The following MSRB3 variants were observed in gnomAD, a reference collection of about 807,000 sequenced individuals.
MSRB3 encodes methionine sulfoxide reductase B3, also known as methionine-R-sulfoxide reductase B3.
MSRB3 carries 13 observed loss-of-function variants against 21.0 expected under a neutral mutation model. The ratio of observed to expected loss-of-function variants is 0.62; its 90% CI spans 0.40 to 0.98. The LOEUF is 0.98. MSRB3 is among the 50% of genes least tolerant of loss of function. The probability of loss-of-function intolerance (pLI) is 0.00; values close to 1 mark genes in which losing one functional copy is unlikely to be tolerated. For synonymous variants in MSRB3, 87 were observed against 88.6 expected (o/e 0.98, Z 0.10); for missense variants, 199 against 230.3 (o/e 0.86, Z 0.88).
intron 2 of MSRB3, among the ~76,000 whole-genome samples, chr12:65,312,368 G>T (rs1429283125): frequency 2.0e-5 from 3 of 151,942 alleles, no homozygotes; most frequent in Non-Finnish European, 4.4e-5. Context: ...TCTTAATCAA[G>T]ACTGAAGCAT....
chr12:65,303,700 G>A (rs550563199), intron 1 of MSRB3, among the ~76,000 whole-genome samples: 2 of 152,204 alleles, frequency 1.3e-5, no homozygotes, highest in African/African-American at 4.8e-5. Context: ...TGTCACTGTC[G>A]TTAAGGGGTT....
chr12:65,388,892 A>C (rs547552206), intron 5 of MSRB3, among the ~76,000 whole-genome samples: 3 of 152,172 alleles, frequency 2.0e-5, no homozygotes, highest in Admixed American at 2.0e-4. Flanking sequence ...AGAAGAGAAG[A>C]GAAAAGCTTT....
At chr12:65,437,181 G>A (rs1052341054) in intron 5 of MSRB3, among the ~76,000 whole-genome samples, 3 of 151,832 alleles carry the variant, frequency 2.0e-5, no homozygotes, top group African/African-American at 7.3e-5. Context: ...AGGGGCCAGA[G>A]AGCAGTGTCA....
chr12:65,337,776 A>T (rs1053747211), intron 4 of MSRB3, among the ~76,000 whole-genome samples: 4 of 152,180 alleles, frequency 2.6e-5, no homozygotes, highest in African/African-American at 9.7e-5. Context: ...ATATTATTTG[A>T]CACAGTGATC....
intron 5 of MSRB3, chr12:65,418,636 T>G (rs1881107079): frequency 1.6e-6 from 1 of 610,712 alleles, no homozygotes; most frequent in African/African-American, 1.9e-5. Context: ...TTTTTACATC[T>G]CTAATCCATT....
rs535349683 is a variant in MSRB3 at position 65,449,457 on chromosome 12, A to G, written c.293-4271A>G. Among the ~76,000 whole-genome samples the G allele has an allele frequency of 1.2e-3, 177 of 152,246 alleles. 1 individual carries two copies. The highest frequency in any genetic ancestry group is 4.2e-3 in the African/African-American group (175 of 41,528). On this transcript the variant is annotated intron_variant, in intron 5 of 6. Transcript: ENST00000308259. ...CAGCTACAAATAATCTGAATACTAC[A>G]AATTTTGAAATATGGCCTTGGAATT...
chr12:65,280,733 C>T (rs928777580), intron 1 of MSRB3, among the ~76,000 whole-genome samples: 2 of 152,148 alleles, frequency 1.3e-5, no homozygotes, highest in Non-Finnish European at 2.9e-5. Context: ...GGCAAGGTTG[C>T]AGCATACAAT....
At position 65,316,656 on chromosome 12, in the gene MSRB3, A is replaced by T. The variant is rs937583757; in HGVS notation, c.76+8001A>T. ...ACAAGTAATGTGATCTCTGCTCTTA[A>T]GGGATCTACATTCTGGTGAGAAAGA... On this transcript the variant is annotated intron_variant, in intron 2 of 6. Transcript: ENST00000308259. Among the ~76,000 whole-genome samples, 3 of 152,286 alleles carry T rather than the reference A, an allele frequency of 2.0e-5. No homozygotes were observed. In the South Asian group the frequency reaches 6.2e-4, roughly 32 times the overall value.
At chr12:65,429,214 C>A (rs961894366) in intron 5 of MSRB3, among the ~76,000 whole-genome samples, 2 of 151,910 alleles carry the variant, frequency 1.3e-5, no homozygotes, top group African/African-American at 2.4e-5. Flanking sequence ...TCTATTTAAC[C>A]CTTTGATATT....
At chr12:65,416,425 A>G (rs1208280825) in intron 5 of MSRB3, among the ~76,000 whole-genome samples, 1 of 152,164 alleles carries the variant, frequency 6.6e-6, no homozygotes, top group African/African-American at 2.4e-5. Context: ...TGTGTTGCTT[A>G]ATGATGGGAG....
chr12:65,285,406 C>G (rs1324898822), intron 1 of MSRB3: 1 of 152,082 alleles, frequency 6.6e-6, no homozygotes, highest in Non-Finnish European at 1.5e-5. Flanking sequence ...AACCTCAGGG[C>G]TATTTATTGA....
At position 65,464,814 on chromosome 12, in the gene MSRB3, T is replaced by C. The variant is rs548298704; in HGVS notation, c.*1492T>C. On this transcript the variant is annotated 3_prime_UTR_variant, in exon 7 of 7. Transcript: ENST00000308259. ...GCTCCAGGTGACCTCTGGAGAGACA[T>C]GGGCATTCACATGGAAAGCTAAAAC... is the stretch of plus-strand genomic sequence containing the variant. 1.1e-4 allele frequency: 17 copies of C among 152,302 alleles called. No homozygotes were observed. Among genetic ancestry groups the C allele is most frequent in the Admixed American group, 9.2e-4 (14 of 15,298 alleles). 9.4% of individuals were successfully genotyped at this position (152,302 alleles called of 1,614,324 possible).
intron 5 of MSRB3, among the ~76,000 whole-genome samples, chr12:65,390,519 T>C (rs964077431): frequency 5.0e-4 from 76 of 152,314 alleles, no homozygotes; most frequent in African/African-American, 1.8e-3. Flanking sequence ...ATTAGGGATT[T>C]AAGAGTATGG....
chr12:65,372,181 C>T (rs990313899), intron 5 of MSRB3, among the ~76,000 whole-genome samples: 1 of 152,078 alleles, frequency 6.6e-6, no homozygotes, highest in Non-Finnish European at 1.5e-5. Flanking sequence ...TGTAAAGGAT[C>T]GTGGCATTTT....
intron 5 of MSRB3, among the ~76,000 whole-genome samples, chr12:65,400,718 G>C (rs1006736411): frequency 2.0e-5 from 3 of 152,082 alleles, no homozygotes; most frequent in Non-Finnish European, 4.4e-5. Context: ...GTCGGTTTTA[G>C]ATCTTTCCTG....
chr12:65,455,679 T>A (rs1883055897), intron 6 of MSRB3, among the ~76,000 whole-genome samples: 2 of 151,930 alleles, frequency 1.3e-5, no homozygotes, highest in Non-Finnish European at 2.9e-5. Flanking sequence ...TTGAAAAGAG[T>A]CATTAAAATT....
chr12:65,394,132 G>A (rs1879646560), intron 5 of MSRB3, among the ~76,000 whole-genome samples: 1 of 152,074 alleles, frequency 6.6e-6, no homozygotes, highest in Admixed American at 6.5e-5. Context: ...GCATATATAT[G>A]AATTAGATGC....
chr12:65,344,456 A>T (rs1876353344), intron 4 of MSRB3, among the ~76,000 whole-genome samples: 1 of 152,014 alleles, frequency 6.6e-6, no homozygotes, highest in South Asian at 2.1e-4. Flanking sequence ...GATAGTTTTA[A>T]TAGCTTACCA....
At chr12:65,370,967 A>T (rs938067951) in intron 5 of MSRB3, among the ~76,000 whole-genome samples, 8 of 152,250 alleles carry the variant, frequency 5.3e-5, no homozygotes, top group African/African-American at 1.7e-4. Context: ...GACTGAAAGA[A>T]TCATGACAAA....
Sources: allele counts gnomAD v4.1 joint callset (sites outside exome capture counted in the v4.1 genomes callset), GRCh38; gene constraint gnomAD v4.1.1; transcripts MANE v1.5; gene names NCBI Gene and HGNC (gene_info 2026-07-23, HGNC 2026-07-21).